GABBR2: variants seen among roughly 807,000 people sequenced by gnomAD.
GABBR2 encodes the protein G-protein coupled receptor 51.
Under a neutral mutation model 105.6 loss-of-function variants are expected in GABBR2, and 23 were observed. The observed-to-expected ratio is 0.22, with a 90% CI of 0.16 to 0.31. GABBR2 has a LOEUF of 0.31. Among genes scored for constraint, GABBR2 ranks in the 10% least tolerant of loss-of-function variants. The probability of loss-of-function intolerance (pLI) is 1.00; values close to 1 mark genes in which losing one functional copy is unlikely to be tolerated. For synonymous variants in GABBR2, 478 were observed against 499.7 expected (o/e 0.96, Z 0.58); for missense variants, 734 against 1,245.5 (o/e 0.59, Z 6.18).
At chr9:98,325,701 C>T (rs1327522177) in intron 13 of GABBR2, among the ~76,000 whole-genome samples, 1 of 152,186 alleles carries the variant, frequency 6.6e-6, no homozygotes, top group Admixed American at 6.5e-5. Context: ...CCATGCCTAG[C>T]ACCCTGTTCA....
chr9:98,396,098 C>T (rs1040369260), intron 8 of GABBR2, among the ~76,000 whole-genome samples: 16 of 152,194 alleles, frequency 1.1e-4, no homozygotes, highest in Non-Finnish European at 2.1e-4. Context: ...CCATGCTCTT[C>T]CCTGACACGG....
chr9:98,486,633 T>G (rs963040981), intron 4 of GABBR2, among the ~76,000 whole-genome samples: 1 of 152,152 alleles, frequency 6.6e-6, no homozygotes, highest in African/African-American at 2.4e-5. Context: ...CTACCTACTG[T>G]GCTGGGCTGC....
intron 6 of GABBR2, among the ~76,000 whole-genome samples, chr9:98,457,758 T>C (rs1338734274): frequency 6.6e-6 from 1 of 152,162 alleles, no homozygotes; most frequent in Non-Finnish European, 1.5e-5. Flanking sequence ...CCATTCATCA[T>C]TGTTCCCAGG....
chr9:98,490,596 C>T (rs531376998), intron 4 of GABBR2, among the ~76,000 whole-genome samples: 23 of 152,328 alleles, frequency 1.5e-4, no homozygotes, highest in African/African-American at 5.5e-4. Flanking sequence ...AACTGCCCCT[C>T]CCATGTCAAT....
rs1309350895 is a variant in GABBR2 at position 98,675,708 on chromosome 9, C to T, written c.321+32709G>A. 9.2e-5 allele frequency among the ~76,000 whole-genome samples: 14 copies of T among 152,268 alleles called. 1 individual carries two copies. In the South Asian group the frequency reaches 2.9e-3, roughly 32 times the overall value. ...TGCACTAGGGGCCTCCTCTTCATTT[C>T]CCTTGCCCCAGATTGAGAGTCTATG... On this transcript the variant is annotated intron_variant, in intron 1 of 18. Transcript: ENST00000259455.
At chr9:98,384,020 A>C (rs1478575985) in intron 11 of GABBR2, among the ~76,000 whole-genome samples, 1 of 152,198 alleles carries the variant, frequency 6.6e-6, no homozygotes, top group East Asian at 1.9e-4. Flanking sequence ...CTTTGCAAAA[A>C]AGGGCCCACA....
At chr9:98,564,268 T>A (rs1359783535) in intron 2 of GABBR2, among the ~76,000 whole-genome samples, 1 of 152,210 alleles carries the variant, frequency 6.6e-6, no homozygotes, top group Non-Finnish European at 1.5e-5. Context: ...GAGGCCACTC[T>A]TAGAGGCCTT....
intron 11 of GABBR2, among the ~76,000 whole-genome samples, chr9:98,378,672 G>T (rs981004481): frequency 6.6e-6 from 1 of 152,200 alleles, no homozygotes; most frequent in Non-Finnish European, 1.5e-5. Flanking sequence ...AGGTGGCTCA[G>T]TGCACACTGA....
At chr9:98,390,203 C>A (rs1204464384) in intron 9 of GABBR2, among the ~76,000 whole-genome samples, 1 of 151,812 alleles carries the variant, frequency 6.6e-6, no homozygotes, top group African/African-American at 2.4e-5. Context: ...GGGGAAACCC[C>A]GTCTCTACCG....
chr9:98,614,734 G>C (rs1430497857), intron 1 of GABBR2, among the ~76,000 whole-genome samples: 2 of 151,926 alleles, frequency 1.3e-5, no homozygotes, highest in African/African-American at 4.8e-5. Context: ...TTTCTGTGGA[G>C]GGAAGAAGGG....
In GABBR2 at chr9:98,530,250, T is replaced by C. The variant is rs151104777; in HGVS notation, c.630+11623A>G. 5.3e-5 allele frequency among the ~76,000 whole-genome samples: 8 copies of C among 152,260 alleles called. No individual in the cohort carries two copies. The East Asian group carries it at 1.5e-3, about 29-fold the overall frequency. ...TAAATGCAGGATCCCATGGCAAAAATTCCAAAGGACTGTGAAGAGGTCCCC... is the reference window on the plus strand; with the variant it reads ...TAAATGCAGGATCCCATGGCAAAAACTCCAAAGGACTGTGAAGAGGTCCCC... On this transcript the variant is annotated intron_variant, in intron 3 of 18. Transcript: ENST00000259455.
At chr9:98,386,730 A>G (rs1832079238) in intron 10 of GABBR2, among the ~76,000 whole-genome samples, 2 of 152,144 alleles carry the variant, frequency 1.3e-5, no homozygotes, top group East Asian at 3.9e-4. Flanking sequence ...ATTACAGCCA[A>G]TTGTTCCCCA....
At chr9:98,632,604 C>A (rs887852225) in intron 1 of GABBR2, among the ~76,000 whole-genome samples, 1 of 152,150 alleles carries the variant, frequency 6.6e-6, no homozygotes, top group Non-Finnish European at 1.5e-5. Context: ...TCTCAAAACC[C>A]GGCCATCATG....
At chr9:98,607,306 C>T (rs1227362175) in intron 1 of GABBR2, 6 of 830,882 alleles carry the variant, frequency 7.2e-6, no homozygotes, top group African/African-American at 1.7e-5. Context: ...AACGGTGTAG[C>T]GTTGTTTATA....
intron 3 of GABBR2, among the ~76,000 whole-genome samples, chr9:98,508,704 C>T (rs1379688044): frequency 6.6e-6 from 1 of 152,160 alleles, no homozygotes; most frequent in African/African-American, 2.4e-5. Context: ...AAGGCAACAG[C>T]GAGGCTGGGG....
intron 8 of GABBR2, among the ~76,000 whole-genome samples, chr9:98,402,364 T>C (rs1219116782): frequency 6.7e-6 from 1 of 150,058 alleles, no homozygotes; most frequent in Non-Finnish European, 1.5e-5. Flanking sequence ...CTAGTATTCA[T>C]CCTCATCTAC....
intron 3 of GABBR2, among the ~76,000 whole-genome samples, chr9:98,509,043 C>T (rs1220087960): frequency 6.6e-6 from 1 of 152,210 alleles, no homozygotes; most frequent in African/African-American, 2.4e-5. Flanking sequence ...TGACACCTCA[C>T]ACGACTGGGT....
chr9:98,612,733 A>G (rs928608962), intron 1 of GABBR2, among the ~76,000 whole-genome samples: 3 of 152,164 alleles, frequency 2.0e-5, no homozygotes, highest in African/African-American at 7.2e-5. Flanking sequence ...GGGGGAAAAA[A>G]CCACAACATG....
At chr9:98,451,582 G>T (rs1826230601) in intron 7 of GABBR2, among the ~76,000 whole-genome samples, 1 of 152,302 alleles carries the variant, frequency 6.6e-6, no homozygotes, top group East Asian at 1.9e-4. Flanking sequence ...ACCACCTGCA[G>T]GGTTTGTTAA....
Sources: gnomAD v4.1 joint callset for allele counts (sites outside exome capture counted in the v4.1 genomes callset) on GRCh38, gnomAD v4.1.1 for gene constraint, MANE v1.5 for transcripts, NCBI Gene and HGNC (gene_info 2026-07-23, HGNC 2026-07-21) for gene names.